Variants in MEF2A observed in about 807,000 individuals in gnomAD.
MEF2A encodes the protein myocyte-specific enhancer factor 2A.
MEF2A carries 28 observed loss-of-function variants against 55.8 expected under a neutral mutation model. The ratio of observed to expected loss-of-function variants is 0.50; its 90% CI spans 0.37 to 0.69. The LOEUF (loss-of-function observed/expected upper bound fraction) is 0.69, where lower values mean the gene tolerates loss of function less well. MEF2A is among the 30% of genes least tolerant of loss of function. MEF2A has a pLI of 0.00. For synonymous variants in MEF2A, 239 were observed against 227.1 expected, an observed-to-expected ratio of 1.05 and a Z score of -0.47; for missense variants, 528 against 626.2, an observed-to-expected ratio of 0.84 and a Z score of 1.67.
chr15:99,663,378 C>T (rs2153581587), intron 4 of MEF2A, among the ~76,000 whole-genome samples: 1 of 152,106 alleles, frequency 6.6e-6, no homozygotes, highest in South Asian at 2.1e-4. Flanking sequence ...CGGAAATGGA[C>T]TGCACTTTTA....
At position 99,622,702 on chromosome 15, in the gene MEF2A, C is replaced by CTTTTCTTTT. The variant is rs372196596; in HGVS notation, c.-142-10272_-142-10271insCTTTTTTTT. 2.2e-5 allele frequency among the ~76,000 whole-genome samples: 3 copies of CTTTTCTTTT among 135,712 alleles called. No individual in the cohort carries two copies. In the East Asian group the frequency reaches 6.4e-4, roughly 29 times the overall value. 89.0% of individuals were successfully genotyped at this position (135,712 alleles called of 152,430 possible). A position where few individuals can be genotyped will look rare whatever the true frequency, so the allele number is the denominator to read the frequency against. ...ATCCTTCTTTAGGATGTTTTCTTTT[C>CTTTTCTTTT]TTTTTTTTTTTCTTTTTTGAGATGG... On this transcript the variant is annotated intron_variant, in intron 2 of 11. Transcript: ENST00000557942.
intron 3 of MEF2A, among the ~76,000 whole-genome samples, chr15:99,636,003 GGTTTACACTCTGCTGGCAGAGTGTAAGA>G (rs1423447705): frequency 3.9e-5 from 6 of 152,202 alleles, no homozygotes; most frequent in African/African-American, 1.4e-4. Context: ...TAGTTCTACT[GGTTTACACTCTGCTGGCAGAGTGTAAGA>G]GTTCTAGCTG....
chr15:99,622,457 G>A (rs2041344842), intron 2 of MEF2A, among the ~76,000 whole-genome samples: 1 of 151,954 alleles, frequency 6.6e-6, no homozygotes, highest in South Asian at 2.1e-4. Context: ...AAAAGTTAGT[G>A]GTTAGCTTGA....
In MEF2A at chr15:99,595,177, G is replaced by C. The variant is rs1021321726; in HGVS notation, c.-224-3253G>C. On this transcript the variant is annotated intron_variant, in intron 1 of 11. Transcript: ENST00000557942. ...CGTTCCCTCTTGAGAATAGTAATGG[G>C]GTAATAATGAGGTTGTTGTTGGCAT... Among the ~76,000 whole-genome samples the C allele has an allele frequency of 2.0e-5, 3 of 152,098 alleles. No individual in the cohort carries two copies. In the East Asian group the frequency reaches 5.8e-4, roughly 29 times the overall value.
chr15:99,628,516 G>A (rs2042395000), intron 2 of MEF2A, among the ~76,000 whole-genome samples: 1 of 151,750 alleles, frequency 6.6e-6, no homozygotes, highest in South Asian at 2.1e-4. Flanking sequence ...CTTCTTTTGG[G>A]TTATTTATTA....
intron 2 of MEF2A, among the ~76,000 whole-genome samples, chr15:99,606,809 A>T (rs1007728333): frequency 6.6e-6 from 1 of 152,192 alleles, no homozygotes; most frequent in South Asian, 2.1e-4. Context: ...CCTGTGATGC[A>T]TTAATTTCTT....
In MEF2A at chr15:99,711,704, G is replaced by A. The variant is rs141614313; in HGVS notation, c.1137-686G>A. Among the ~76,000 whole-genome samples the A allele has an allele frequency of 2.6e-3, 398 of 152,350 alleles. 1 individual carries two copies. The highest frequency in any genetic ancestry group is 9.1e-3 in the African/African-American group (380 of 41,578). ...ATCCATTCTGAAGTAACTGCACAGT[G>A]AGGATTGTTGTCAGTGGTCTTCTTA... On this transcript the variant is annotated intron_variant, in intron 11 of 11. Coordinates refer to ENST00000557942, the MANE Select transcript of MEF2A (RefSeq NM_001319206.4).
intron 4 of MEF2A, among the ~76,000 whole-genome samples, chr15:99,646,259 G>C (rs2045945240): frequency 6.6e-6 from 1 of 152,028 alleles, no homozygotes; most frequent in African/African-American, 2.4e-5. Context: ...CTATTTGATA[G>C]CTCTCATAGT....
intron 7 of MEF2A, among the ~76,000 whole-genome samples, chr15:99,689,625 C>A (rs758284110): frequency 6.6e-6 from 1 of 152,104 alleles, no homozygotes; most frequent in African/African-American, 2.4e-5. Flanking sequence ...GGATCACAGG[C>A]GGGCGCCACC....
At chr15:99,567,873 CAGTG>C (rs1002716039) in intron 1 of MEF2A, among the ~76,000 whole-genome samples, 7 of 152,096 alleles carry the variant, frequency 4.6e-5, no homozygotes, top group Non-Finnish European at 7.4e-5. Flanking sequence ...TTTTAATTCT[CAGTG>C]AGCATTGTTG....
intron 11 of MEF2A, 116 bp downstream of exon 11, chr15:99,710,876 CTTT>C: frequency 8.2e-7 from 1 of 1,216,922 alleles, no homozygotes; most frequent in Non-Finnish European, 1.1e-6. Flanking sequence ...GTAATGATTC[CTTT>C]TCAGGTAGAT....
chr15:99,587,232 G>A (rs1016309264), intron 1 of MEF2A, among the ~76,000 whole-genome samples: 4 of 151,684 alleles, frequency 2.6e-5, no homozygotes, highest in Admixed American at 6.6e-5. Context: ...GACAGGCCCC[G>A]GTGTGTGATG....
intron 5 of MEF2A, among the ~76,000 whole-genome samples, chr15:99,672,035 T>C (rs1032547684): frequency 2.0e-5 from 3 of 152,224 alleles, no homozygotes; most frequent in African/African-American, 7.2e-5. Flanking sequence ...ACTTTCCCTC[T>C]ACTCCCATGA....
intron 2 of MEF2A, among the ~76,000 whole-genome samples, chr15:99,605,025 A>T (rs946841278): frequency 1.3e-5 from 2 of 152,128 alleles, no homozygotes; most frequent in African/African-American, 4.8e-5. Flanking sequence ...TGCTCACTGC[A>T]ACCTCCACCT....
intron 2 of MEF2A, among the ~76,000 whole-genome samples, chr15:99,626,540 AG>A (rs2042083727): frequency 6.6e-6 from 1 of 152,066 alleles, no homozygotes; most frequent in Non-Finnish European, 1.5e-5. Context: ...GGAAAATCAC[AG>A]CATCTTAATT....
rs557288812 is a variant in MEF2A, at chr15:99,715,567, A to G, written c.*2796A>G. Reference sequence around the variant, plus strand: ...CTCTCACCCAGACGCCCACGTGTGAACACACCCACATCCACATCTCTGGGT... The same window carrying G: ...CTCTCACCCAGACGCCCACGTGTGAGCACACCCACATCCACATCTCTGGGT... On this transcript the variant is annotated 3_prime_UTR_variant, in exon 12 of 12. Transcript: ENST00000557942. 6.6e-6 allele frequency: 1 copy of G among 152,212 alleles called. No homozygotes were observed. Among genetic ancestry groups the G allele is most frequent in the African/African-American group, 2.4e-5 (1 of 41,440 alleles). The allele number at this position is 152,212 out of a possible 1,614,324, so 9.4% of individuals were successfully genotyped here. A position where few individuals can be genotyped will look rare whatever the true frequency, so the allele number is the denominator to read the frequency against.
At chr15:99,570,079 T>A (rs778359043) in intron 1 of MEF2A, among the ~76,000 whole-genome samples, 149 of 152,092 alleles carry the variant, frequency 9.8e-4, no homozygotes, top group Middle Eastern at 3.4e-3. Context: ...AATATTTTAA[T>A]TATTAATTAT....
chr15:99,702,382 A>G (rs1758785370), intron 8 of MEF2A, among the ~76,000 whole-genome samples: 1 of 151,878 alleles, frequency 6.6e-6, no homozygotes, highest in African/African-American at 2.4e-5. Flanking sequence ...TGTTTCTAGC[A>G]TGTTAATATT....
intron 2 of MEF2A, among the ~76,000 whole-genome samples, chr15:99,626,283 A>T (rs945951302): frequency 3.9e-5 from 6 of 151,972 alleles, no homozygotes; most frequent in African/African-American, 1.4e-4. Flanking sequence ...TTACAGTCTC[A>T]TTTATTTCTA....
Sources: gnomAD v4.1 joint callset for allele counts (sites outside exome capture counted in the v4.1 genomes callset) on GRCh38, gnomAD v4.1.1 for gene constraint, MANE v1.5 for transcripts, NCBI Gene and HGNC (gene_info 2026-07-23, HGNC 2026-07-21) for gene names.